DGKB: variants seen among roughly 807,000 people sequenced by gnomAD.
DGKB encodes the protein 90 kDa diacylglycerol kinase.
Under a neutral mutation model 114.3 loss-of-function variants are expected in DGKB, and 67 were observed. The observed-to-expected ratio is 0.59, with a 90% CI of 0.48 to 0.72. DGKB has a LOEUF of 0.72. DGKB is among the 30% of genes least tolerant of loss of function. The pLI, the probability that DGKB is intolerant of heterozygous loss-of-function variation, is 0.00. For missense variants in DGKB, 907 were observed against 975.2 expected (o/e 0.93, Z 0.93); for synonymous variants, 398 against 323.1 (o/e 1.23, Z -2.49).
At chr7:14,293,571 T>C (rs1204660929) in intron 23 of DGKB, among the ~76,000 whole-genome samples, 1 of 152,152 alleles carries the variant, frequency 6.6e-6, no homozygotes, top group Non-Finnish European at 1.5e-5. Context: ...ACATAAATCA[T>C]CTGTCATGTC....
At chr7:14,554,088 G>A (rs1795526103) in intron 20 of DGKB, among the ~76,000 whole-genome samples, 1 of 151,900 alleles carries the variant, frequency 6.6e-6, no homozygotes, top group Admixed American at 6.6e-5. Context: ...TAGCCAGGAT[G>A]ATCTCGATCT....
intron 6 of DGKB, among the ~76,000 whole-genome samples, chr7:14,703,162 G>A (rs572589760): frequency 6.6e-6 from 1 of 152,290 alleles, no homozygotes; most frequent in African/African-American, 2.4e-5. Flanking sequence ...TTTGTAAGTG[G>A]CAAGAATTGA....
intron 2 of DGKB, among the ~76,000 whole-genome samples, chr7:14,765,101 T>G (rs527430529): frequency 5.1e-4 from 77 of 152,130 alleles, no homozygotes; most frequent in African/African-American, 1.8e-3. Flanking sequence ...TAGCAGTTTA[T>G]ATGCTATTTG....
intron 23 of DGKB, among the ~76,000 whole-genome samples, chr7:14,198,246 G>C (rs1320668414): frequency 1.3e-5 from 2 of 152,014 alleles, no homozygotes; most frequent in Non-Finnish European, 2.9e-5. Flanking sequence ...GAGGTCTAGG[G>C]AAAACTAAGG....
intron 13 of DGKB, among the ~76,000 whole-genome samples, chr7:14,647,725 T>A (rs1286794049): frequency 4.6e-5 from 7 of 152,186 alleles, no homozygotes; most frequent in South Asian, 2.1e-4. Context: ...CATTTCCATC[T>A]GAGGTACCGG....
chr7:14,240,158 A>C (rs182937668), intron 23 of DGKB, among the ~76,000 whole-genome samples: 40 of 152,196 alleles, frequency 2.6e-4, no homozygotes, highest in Non-Finnish European at 5.0e-4. Context: ...CAATAAGCAG[A>C]AAACTTTTCT....
intron 1 of DGKB, among the ~76,000 whole-genome samples, chr7:14,895,981 T>C (rs564349798): frequency 4.0e-5 from 6 of 151,868 alleles, no homozygotes; most frequent in African/African-American, 1.4e-4. Flanking sequence ...ACTCATCTTT[T>C]CTGCGTGAAG....
intron 21 of DGKB, among the ~76,000 whole-genome samples, chr7:14,424,493 G>A (rs1431534): frequency 0.24 from 36,463 of 151,638 alleles, 5,181 homozygotes; most frequent in East Asian, 0.49. Flanking sequence ...TCACTCTCTG[G>A]AAGCTTTTTT....
intron 23 of DGKB, among the ~76,000 whole-genome samples, chr7:14,300,168 A>T (rs1478589866): frequency 2.0e-5 from 3 of 152,138 alleles, no homozygotes; most frequent in African/African-American, 7.2e-5. Flanking sequence ...CCTACGTTAC[A>T]TAAAGAGTTT....
At position 14,334,274 on chromosome 7, in the gene DGKB, G is replaced by A. The variant is rs138127427; in HGVS notation, c.2122+4241C>T. On this transcript the variant is annotated intron_variant, in intron 23 of 25. Transcript: ENST00000402815. ...TTGCACAATATTTCTCATGAGATATGCAAAGACATATTTTTAAATGTCCAT... is the reference window on the plus strand; with the variant it reads ...TTGCACAATATTTCTCATGAGATATACAAAGACATATTTTTAAATGTCCAT... 2.2e-4 allele frequency among the ~76,000 whole-genome samples: 33 copies of A among 151,768 alleles called. No homozygotes were observed. In the East Asian group the frequency reaches 5.8e-3, roughly 27 times the overall value.
intron 23 of DGKB, among the ~76,000 whole-genome samples, chr7:14,222,315 T>C (rs919465739): frequency 1.3e-5 from 2 of 151,198 alleles, no homozygotes; most frequent in Non-Finnish European, 3.0e-5. Flanking sequence ...CTCTAAACAC[T>C]GCATCCCCAA....
At chr7:14,729,075 G>T (rs1345859364) in intron 5 of DGKB, among the ~76,000 whole-genome samples, 1 of 147,722 alleles carries the variant, frequency 6.8e-6, no homozygotes, top group East Asian at 2.0e-4. Flanking sequence ...TTACTTTTCT[G>T]TATGTCTGCC....
intron 23 of DGKB, among the ~76,000 whole-genome samples, chr7:14,220,833 T>G (rs535942177): frequency 6.7e-6 from 1 of 150,242 alleles, no homozygotes; most frequent in Non-Finnish European, 1.5e-5. Flanking sequence ...GTTTTCTTTC[T>G]TTTAATTTTT....
Position 14,730,425 on chromosome 7 carries a change from C to A in DGKB, c.322+5616G>T, listed in dbSNP as rs371597491. 4.8e-4 allele frequency among the ~76,000 whole-genome samples: 73 copies of A among 152,242 alleles called. 1 individual carries two copies. The East Asian group carries it at 9.6e-3, about 20-fold the overall frequency. The stretch of plus-strand genomic sequence containing the variant: ...CATTGAATTCCTAGTATGGAACACA[C>A]CGCGTGCTATTTAATTAAGACTGAC... On this transcript the variant is annotated intron_variant, in intron 5 of 25. Transcript: ENST00000402815.
intron 20 of DGKB, among the ~76,000 whole-genome samples, chr7:14,543,928 A>G (rs2128625476): frequency 6.6e-6 from 1 of 152,312 alleles, no homozygotes; most frequent in East Asian, 1.9e-4. Context: ...TGAAGTATAT[A>G]ATGTGCATTT....
chr7:14,407,039 A>G lies in DGKB; in HGVS notation c.1836-61648T>C, dbSNP rs78837988. On this transcript the variant is annotated intron_variant, in intron 21 of 25. Transcript: ENST00000402815. ...ATTCAGGATCAAGTACATGAGGTCT[A>G]TAGAAGGTCAAACAGTAGTTAAGAA... 3.1e-3 allele frequency among the ~76,000 whole-genome samples: 466 copies of G among 152,218 alleles called. 1 individual carries two copies. The highest frequency in any genetic ancestry group is 4.4e-3 in the Non-Finnish European group (297 of 67,968).
At chr7:14,466,181 T>C (rs1486505544) in intron 21 of DGKB, among the ~76,000 whole-genome samples, 3 of 152,198 alleles carry the variant, frequency 2.0e-5, no homozygotes, top group Admixed American at 6.5e-5. Context: ...TTATCTTTCA[T>C]TGAAAAATAC....
chr7:14,369,623 T>G (rs568335274), intron 21 of DGKB, among the ~76,000 whole-genome samples: 2 of 152,354 alleles, frequency 1.3e-5, no homozygotes, highest in South Asian at 4.1e-4. Flanking sequence ...CTAACTGGCA[T>G]GAGATGGTAT....
At chr7:14,916,100 A>G (rs920519109) in intron 1 of DGKB, among the ~76,000 whole-genome samples, 3 of 139,060 alleles carry the variant, frequency 2.2e-5, no homozygotes, top group Non-Finnish European at 4.4e-5. Context: ...ACATGCATGT[A>G]CCATCTTTGA....
Sources: allele counts gnomAD v4.1 joint callset (sites outside exome capture counted in the v4.1 genomes callset), GRCh38; gene constraint gnomAD v4.1.1; transcripts MANE v1.5; gene names NCBI Gene and HGNC (gene_info 2026-07-23, HGNC 2026-07-21).